CORIN: variants seen among roughly 807,000 people sequenced by gnomAD.
CORIN encodes the protein corin, serine peptidase, also known as atrial natriuretic peptide-converting enzyme.
CORIN carries 117 observed loss-of-function variants against 125.3 expected under a neutral mutation model. That is an observed-to-expected ratio of 0.93 (90% confidence interval 0.80 to 1.09). The LOEUF is 1.09. CORIN is among the 50% of genes least tolerant of loss of function. The pLI is 0.00. For missense variants in CORIN, 1,253 were observed against 1,306.7 expected, an observed-to-expected ratio of 0.96 and a Z score of 0.63; for synonymous variants, 450 against 466.4, an observed-to-expected ratio of 0.96 and a Z score of 0.45.
chr4:47,806,133 T>C (rs1285556507), intron 2 of CORIN, among the ~76,000 whole-genome samples: 1 of 152,126 alleles, frequency 6.6e-6, no homozygotes. Context: ...TAATATTTAG[T>C]TTGAGTGTGT....
chr4:47,713,309 T>C (rs1375870692), intron 5 of CORIN, among the ~76,000 whole-genome samples: 2 of 152,152 alleles, frequency 1.3e-5, no homozygotes, highest in African/African-American at 4.8e-5. Flanking sequence ...TAGTTGAACA[T>C]CTGGGGAAAG....
At chr4:47,805,349 A>T (rs993861629) in intron 2 of CORIN, among the ~76,000 whole-genome samples, 1 of 151,614 alleles carries the variant, frequency 6.6e-6, no homozygotes, top group Non-Finnish European at 1.5e-5. Flanking sequence ...ACCCACAAAC[A>T]TTTTTTTTAA....
At chr4:47,638,231 C>G (rs187055582) in intron 16 of CORIN, among the ~76,000 whole-genome samples, 13 of 152,298 alleles carry the variant, frequency 8.5e-5, no homozygotes, top group Admixed American at 3.9e-4. Flanking sequence ...TTTGATTTTA[C>G]AGGCTTATAA....
intron 5 of CORIN, among the ~76,000 whole-genome samples, chr4:47,705,824 C>G (rs1046273587): frequency 2.6e-5 from 4 of 151,180 alleles, no homozygotes; most frequent in African/African-American, 4.9e-5. Flanking sequence ...GCACACGGCC[C>G]GTAAAATATT....
intron 3 of CORIN, among the ~76,000 whole-genome samples, chr4:47,773,648 G>A (rs185876606): frequency 6.6e-6 from 1 of 152,132 alleles, no homozygotes; most frequent in Admixed American, 6.5e-5. Flanking sequence ...GAATAAGATC[G>A]TAAGGAAAGG....
intron 13 of CORIN, among the ~76,000 whole-genome samples, chr4:47,650,748 T>C (rs1480810429): frequency 6.6e-6 from 1 of 152,238 alleles, no homozygotes; most frequent in East Asian, 1.9e-4. Flanking sequence ...TATGCTCAAT[T>C]ACTTAAGCAT....
intron 8 of CORIN, 72 bp from the exon 9 acceptor site, chr4:47,678,126 A>C: frequency 1.0e-6 from 1 of 1,004,450 alleles, no homozygotes; most frequent in South Asian, 1.3e-5. Flanking sequence ...CAAATAAGCA[A>C]CAGCCATTTA....
chr4:47,794,995 T>C (rs1001279472), intron 2 of CORIN, among the ~76,000 whole-genome samples: 1 of 152,166 alleles, frequency 6.6e-6, no homozygotes, highest in East Asian at 1.9e-4. Context: ...TCCCATTTCA[T>C]CCTTTTGGAT....
chr4:47,771,045 A>T (rs1481845027), intron 3 of CORIN, among the ~76,000 whole-genome samples: 1 of 152,146 alleles, frequency 6.6e-6, no homozygotes, highest in South Asian at 2.1e-4. Context: ...TCACCCCCCA[A>T]AATTATTTGA....
At chr4:47,714,173 T>C (rs769379679) in intron 5 of CORIN, among the ~76,000 whole-genome samples, 2 of 152,184 alleles carry the variant, frequency 1.3e-5, no homozygotes, top group Non-Finnish European at 2.9e-5. Flanking sequence ...TTAAAAGAAA[T>C]ACAGTATTGT....
At chr4:47,624,063 T>C (rs1048511536) in intron 17 of CORIN, 115 bp from the exon 18 acceptor site, 8 of 829,172 alleles carry the variant, frequency 9.6e-6, no homozygotes, top group African/African-American at 8.5e-5. Context: ...GAAATCACAT[T>C]CTCTGAGCAT....
intron 16 of CORIN, among the ~76,000 whole-genome samples, chr4:47,638,939 G>C (rs1723132915): frequency 6.6e-6 from 1 of 152,172 alleles, no homozygotes; most frequent in African/African-American, 2.4e-5. Context: ...TAGCATTTGA[G>C]CAGCAACACA....
intron 19 of CORIN, among the ~76,000 whole-genome samples, chr4:47,621,067 A>G (rs747211456): frequency 3.9e-5 from 6 of 152,202 alleles, no homozygotes; most frequent in Admixed American, 1.3e-4. Flanking sequence ...ATAAAGTAAA[A>G]TTACTAAAAA....
intron 5 of CORIN, among the ~76,000 whole-genome samples, chr4:47,725,743 T>C (rs182839788): frequency 7.2e-5 from 11 of 152,170 alleles, no homozygotes; most frequent in Non-Finnish European, 1.5e-4. Context: ...GTATGTTGCA[T>C]TAAAAAATTG....
chr4:47,780,205 C>A (rs1730476557), intron 3 of CORIN, among the ~76,000 whole-genome samples: 1 of 151,098 alleles, frequency 6.6e-6, no homozygotes. Context: ...TGACCCAAAT[C>A]CTCTATGTGA....
Position 47,623,723 on chromosome 4 carries a change from G to A in CORIN, c.2388C>T (p.Ala796=), listed in dbSNP as rs761224967. 6.2e-6 allele frequency: 10 copies of A among 1,614,160 alleles called. No homozygotes were observed. The Admixed American group carries it at 1.7e-4, about 27-fold the overall frequency. ...TKQDCGRRPA[A]RMNKRILGGR... ...CTCCAAGGATCCTTTTGTTCATTCG[G>A]GCAGCAGGGCGGCGCCCACAGTCTA... The change falls in exon 19 of 22, where the codon GCC becomes GCT. Residue 796 remains alanine, a synonymous_variant. Transcript: ENST00000273857.
chr4:47,747,559 T>C (rs929649086), intron 4 of CORIN, among the ~76,000 whole-genome samples: 12 of 152,204 alleles, frequency 7.9e-5, no homozygotes, highest in African/African-American at 2.9e-4. Context: ...CATCTTTTCT[T>C]AGAACCTTCT....
intron 19 of CORIN, among the ~76,000 whole-genome samples, chr4:47,617,264 C>T (rs17462541): frequency 0.27 from 40,975 of 152,074 alleles, 5,666 homozygotes; most frequent in Admixed American, 0.35. Context: ...TTTATGTGAC[C>T]TCAGTTAGCA....
At chr4:47,757,971 T>G (rs903743234) in intron 4 of CORIN, among the ~76,000 whole-genome samples, 1 of 150,582 alleles carries the variant, frequency 6.6e-6, no homozygotes, top group African/African-American at 2.4e-5. Flanking sequence ...TGAAGTGCAG[T>G]GGCACGATCT....
Sources: gnomAD v4.1 joint callset for allele counts (sites outside exome capture counted in the v4.1 genomes callset) on GRCh38, gnomAD v4.1.1 for gene constraint, MANE v1.5 for transcripts, NCBI Gene and HGNC (gene_info 2026-07-23, HGNC 2026-07-21) for gene names.